ARHGAP10: variants seen among roughly 807,000 people sequenced by gnomAD.
ARHGAP10 encodes rho GTPase-activating protein 10.
ARHGAP10 carries 87 observed loss-of-function variants against 108.6 expected under a neutral mutation model. That is an observed-to-expected ratio of 0.80 (90% CI 0.67 to 0.96). The LOEUF is 0.96. Among genes scored for constraint, ARHGAP10 ranks in the 40% least tolerant of loss-of-function variants. The pLI is 0.00. For synonymous variants in ARHGAP10, 347 were observed against 341.1 expected (o/e 1.02, Z -0.19); for missense variants, 939 against 954.5 (o/e 0.98, Z 0.21).
rs1736510173 is a variant in ARHGAP10, at chr4:147,906,682, G to A, written c.1079G>A (p.Arg360Lys). 6.2e-7 allele frequency: 1 copy of A among 1,614,048 alleles called. No homozygotes were observed. Among genetic ancestry groups the A allele is most frequent in the Non-Finnish European group, 8.5e-7 (1 of 1,180,026 alleles). ...LTMQAFSEEE[R>K]KQWLEALGGK... ...ATGCAGGCATTTTCCGAAGAGGAAAGGAAGCAGTGGTTGGAAGCTCTGGGT... is the reference window on the plus strand; with the variant it reads ...ATGCAGGCATTTTCCGAAGAGGAAAAGAAGCAGTGGTTGGAAGCTCTGGGT... Residue 360 changes from arginine to lysine, a missense_variant, in exon 11 of 23, where the codon AGG (arginine) becomes AAG (lysine). Transcript: ENST00000336498.
chr4:147,911,994 C>CGTGTGT (rs36217593), intron 12 of ARHGAP10, among the ~76,000 whole-genome samples: 69 of 135,452 alleles, frequency 5.1e-4, no homozygotes, highest in African/African-American at 1.9e-3. Flanking sequence ...AGAACATTCA[C>CGTGTGT]GTGTGTGTGT....
chr4:147,877,625 A>C (rs1254630385), intron 8 of ARHGAP10, among the ~76,000 whole-genome samples: 1 of 152,068 alleles, frequency 6.6e-6, no homozygotes, highest in Non-Finnish European at 1.5e-5. Flanking sequence ...CCTAACCTTT[A>C]ATTTGTTATG....
At chr4:147,974,798 C>G (rs2149621799) in intron 18 of ARHGAP10, among the ~76,000 whole-genome samples, 1 of 152,252 alleles carries the variant, frequency 6.6e-6, no homozygotes, top group Middle Eastern at 3.4e-3. Context: ...TTCCACAGGG[C>G]TGGGGAGGCC....
chr4:147,947,192 G>C (rs1328647932), intron 15 of ARHGAP10, among the ~76,000 whole-genome samples: 2 of 149,054 alleles, frequency 1.3e-5, no homozygotes, highest in African/African-American at 4.9e-5. Context: ...TTTAGGACTA[G>C]AGTTAGAGGG....
At chr4:147,984,143 T>C (rs1346395066) in intron 18 of ARHGAP10, among the ~76,000 whole-genome samples, 1 of 152,028 alleles carries the variant, frequency 6.6e-6, no homozygotes, top group East Asian at 1.9e-4. Flanking sequence ...TGTAATTTTG[T>C]TTGGTGGTGT....
intron 20 of ARHGAP10, among the ~76,000 whole-genome samples, chr4:148,062,741 G>A (rs1303792027): frequency 6.6e-6 from 1 of 152,068 alleles, no homozygotes; most frequent in Non-Finnish European, 1.5e-5. Flanking sequence ...ATCTTTAAAT[G>A]TTTAGCTGAT....
At position 147,992,225 on chromosome 4, in the gene ARHGAP10, A is replaced by C. The variant is rs557128865; in HGVS notation, c.1716+25386A>C. On this transcript the variant is annotated intron_variant, in intron 18 of 22. Transcript: ENST00000336498. ...TCCTTCCACCCCTAAGCCTGATTGCATGCTGTCGTTCGGTCCCCACATTTT... is the reference window on the plus strand; with the variant it reads ...TCCTTCCACCCCTAAGCCTGATTGCCTGCTGTCGTTCGGTCCCCACATTTT... 2.0e-5 allele frequency among the ~76,000 whole-genome samples: 3 copies of C among 152,176 alleles called. No individual in the cohort carries two copies. In the East Asian group the frequency reaches 5.8e-4, roughly 29 times the overall value.
intron 4 of ARHGAP10, among the ~76,000 whole-genome samples, chr4:147,856,913 T>A (rs1734110978): frequency 6.6e-6 from 1 of 152,192 alleles, no homozygotes; most frequent in African/African-American, 2.4e-5. Flanking sequence ...AGTGCAGTGG[T>A]GTGATCTCGA....
chr4:147,955,457 A>G (rs1364418992), intron 16 of ARHGAP10, 83 bp downstream of exon 16: 3 of 1,211,960 alleles, frequency 2.5e-6, no homozygotes, highest in African/African-American at 1.5e-5. Flanking sequence ...GAAAAATTCA[A>G]CTTGTTATTG....
intron 1 of ARHGAP10, among the ~76,000 whole-genome samples, chr4:147,789,484 G>C (rs529610889): frequency 6.6e-6 from 1 of 152,136 alleles, no homozygotes; most frequent in Admixed American, 6.5e-5. Context: ...TAGAGATAGG[G>C]TTTCACTCTG....
At position 147,866,761 on chromosome 4, in the gene ARHGAP10, A is replaced by C. The variant is rs1381935450; in HGVS notation, c.647A>C (p.Glu216Ala). 1 of 1,613,892 alleles carries C rather than the reference A, an allele frequency of 6.2e-7. No homozygotes were observed. The highest frequency in any genetic ancestry group is 8.5e-7 in the Non-Finnish European group (1 of 1,179,944). ...GMFTFYHQGH[E>A]LAKDFNHYKM... is the part of the protein sequence containing the mutation. ...TTTACCTTCTATCATCAGGGCCATG[A>C]ACTTGCCAAAGACTTCAATCACTAC... Residue 216 changes from glutamate (E) to alanine (A), a missense_variant, in exon 7 of 23, where the codon GAA (glutamate) becomes GCA (alanine). Glu to Ala is a moderately radical substitution (Grantham distance 107). Coordinates refer to ENST00000336498, the MANE Select transcript of ARHGAP10 (RefSeq NM_024605.4).
chr4:148,000,095 G>GC (rs1169182208), intron 18 of ARHGAP10, among the ~76,000 whole-genome samples: 1 of 151,904 alleles, frequency 6.6e-6, no homozygotes, highest in Non-Finnish European at 1.5e-5. Context: ...CCCATGACAG[G>GC]CCCCAGTGTG....
At chr4:148,026,997 G>A (rs961834813) in intron 19 of ARHGAP10, among the ~76,000 whole-genome samples, 10 of 152,196 alleles carry the variant, frequency 6.6e-5, no homozygotes, top group East Asian at 1.9e-4. Flanking sequence ...TACATAAAGA[G>A]GGGCTGTTGT....
chr4:148,034,344 T>G (rs185480376), intron 19 of ARHGAP10, among the ~76,000 whole-genome samples: 3 of 152,290 alleles, frequency 2.0e-5, no homozygotes, highest in African/African-American at 7.2e-5. Flanking sequence ...TTTGAGACCA[T>G]TTCGCTCTTG....
intron 13 of ARHGAP10, among the ~76,000 whole-genome samples, chr4:147,921,578 G>C (rs1231600216): frequency 2.0e-5 from 3 of 152,164 alleles, no homozygotes; most frequent in African/African-American, 7.2e-5. Flanking sequence ...GTGGATGTAA[G>C]GCAGAACTTC....
intron 1 of ARHGAP10, among the ~76,000 whole-genome samples, chr4:147,747,154 CT>C (rs780059746): frequency 2.6e-3 from 379 of 145,296 alleles, no homozygotes; most frequent in African/African-American, 2.7e-3. Context: ...GGTCCTTCAT[CT>C]TTTTTTTTTT....
Position 147,879,264 on chromosome 4 carries a change from C to T in ARHGAP10, c.865C>T (p.His289Tyr). The change falls in exon 9 of 23, where the codon CAC becomes TAC. Residue 289 changes from histidine to tyrosine, a missense_variant. By Grantham distance (83) the His-to-Tyr change is moderately conservative. Transcript: ENST00000336498. ...PAPFGSSWVK[H>Y]YCMYRKAAKK... ...TCCGTTTGGTTCCAGTTGGGTCAAA[C>T]ACTATTGCATGTATCGAAAAGCAGC... is the stretch of plus-strand genomic sequence containing the variant. The T allele has an allele frequency of 6.2e-7, 1 of 1,613,916 alleles. No homozygotes were observed. Among genetic ancestry groups the T allele is most frequent in the Non-Finnish European group, 8.5e-7 (1 of 1,179,904 alleles).
chr4:147,833,890 C>A (rs1257226847), intron 3 of ARHGAP10, among the ~76,000 whole-genome samples: 1 of 152,142 alleles, frequency 6.6e-6, no homozygotes, highest in Non-Finnish European at 1.5e-5. Flanking sequence ...GAAGCTGTGG[C>A]AGCCATGGGC....
intron 4 of ARHGAP10, among the ~76,000 whole-genome samples, chr4:147,848,673 A>G (rs187080060): frequency 6.6e-6 from 1 of 152,318 alleles, no homozygotes; most frequent in South Asian, 2.1e-4. Context: ...GGATGGTGCT[A>G]TATGTGTGAC....
Sources: gnomAD v4.1 joint callset for allele counts (sites outside exome capture counted in the v4.1 genomes callset) on GRCh38, gnomAD v4.1.1 for gene constraint, MANE v1.5 for transcripts, NCBI Gene and HGNC (gene_info 2026-07-23, HGNC 2026-07-21) for gene names.